Variants in VANGL2 observed in about 807,000 individuals in gnomAD.
VANGL2 encodes the protein vang-like protein 2.
VANGL2 carries 14 observed loss-of-function variants against 50.2 expected under a neutral mutation model. The ratio of observed to expected loss-of-function variants is 0.28; its 90% CI spans 0.18 to 0.44. The LOEUF is 0.44. VANGL2 is among the 20% of genes least tolerant of loss of function. The pLI is 1.00. For missense variants in VANGL2, 533 were observed against 701.5 expected (o/e 0.76, Z 2.71); for synonymous variants, 295 against 297.2 (o/e 0.99, Z 0.08).
chr1:160,423,550 C>A (rs1187548724), intron 6 of VANGL2, among the ~76,000 whole-genome samples: 1 of 152,066 alleles, frequency 6.6e-6, no homozygotes, highest in Non-Finnish European at 1.5e-5. Flanking sequence ...TCTTTTTCTT[C>A]TTGATAGAAA....
intron 3 of VANGL2, 63 bp from the exon 4 acceptor site, chr1:160,418,939 C>T: frequency 6.5e-7 from 1 of 1,545,600 alleles, no homozygotes; most frequent in Non-Finnish European, 8.8e-7. Flanking sequence ...TCTCCTGTTT[C>T]CCTCCTCTTC....
intron 3 of VANGL2, among the ~76,000 whole-genome samples, chr1:160,417,247 C>A (rs750571406): frequency 1.3e-5 from 2 of 152,192 alleles, no homozygotes; most frequent in Non-Finnish European, 2.9e-5. Context: ...GGTTCCTCAA[C>A]CTCCCTAATC....
chr1:160,424,845 G>A (rs145998447), intron 7 of VANGL2, among the ~76,000 whole-genome samples: 8 of 152,272 alleles, frequency 5.3e-5, no homozygotes, highest in Non-Finnish European at 8.8e-5. Flanking sequence ...CTGGTGCAGG[G>A]AGAAGAGCAG....
At chr1:160,405,013 G>C (rs1650602752) in intron 1 of VANGL2, among the ~76,000 whole-genome samples, 1 of 152,140 alleles carries the variant, frequency 6.6e-6, no homozygotes, top group Non-Finnish European at 1.5e-5. Flanking sequence ...GGTATTAGGG[G>C]AGAAGAGAGG....
At chr1:160,422,780 G>A (rs1039614299) in intron 6 of VANGL2, among the ~76,000 whole-genome samples, 2 of 152,094 alleles carry the variant, frequency 1.3e-5, no homozygotes, top group African/African-American at 4.8e-5. Flanking sequence ...TTTCACTCCA[G>A]CGCCACATTT....
chr1:160,405,550 G>T (rs1650625018), intron 1 of VANGL2, among the ~76,000 whole-genome samples: 1 of 152,076 alleles, frequency 6.6e-6, no homozygotes, highest in South Asian at 2.1e-4. Flanking sequence ...AGACATAACA[G>T]CTGGGAACTG....
rs529529032 is a variant in VANGL2, at chr1:160,423,916, C to G, written c.1074-136C>G. The G allele has an allele frequency of 6.6e-5, 63 of 957,650 alleles. No homozygotes were observed. In the Admixed American group the frequency reaches 9.0e-4, roughly 14 times the overall value. The allele number at this position is 957,650 out of a possible 1,614,324, so 59.3% of individuals were successfully genotyped here. A position where few individuals can be genotyped will look rare whatever the true frequency, so the allele number is the denominator to read the frequency against. On this transcript the variant is annotated intron_variant, in intron 6 of 7. Coordinates refer to ENST00000368061, the MANE Select transcript of VANGL2 (RefSeq NM_020335.3). ...CCCAGTGGCAGAAAGGCACTATTGC[C>G]TCTGGCTTTGTATTACTTTGGGTGA...
chr1:160,420,389 C>T (rs149376089), intron 4 of VANGL2, 22 bp from the exon 5 acceptor site: 21 of 1,613,868 alleles, frequency 1.3e-5, no homozygotes, highest in Middle Eastern at 1.6e-4. Flanking sequence ...TCTCCCACCC[C>T]CTCCTGCCGT....
intron 1 of VANGL2, among the ~76,000 whole-genome samples, chr1:160,411,785 G>A (rs911647912): frequency 6.6e-6 from 1 of 152,092 alleles, no homozygotes; most frequent in Non-Finnish European, 1.5e-5. Flanking sequence ...ACCCTTGTCT[G>A]GTTTGAAATT....
rs749737174 is a variant in VANGL2, at chr1:160,419,594, A to G, written c.785A>G (p.Asn262Ser). The stretch of plus-strand genomic sequence containing the variant: ...ACCGACGGCGCCAGCCGCTTCTACA[A>G]CGTTGGCCATCTCAGGTACTAGCCC... The part of the protein sequence containing the change: ...RSTDGASRFY[N>S]VGHLSIQRVA... The change falls in exon 4 of 8, where the codon AAC becomes AGC. Residue 262 changes from asparagine to serine, a missense_variant. By Grantham distance (46) the Asn-to-Ser change is conservative. Transcript: ENST00000368061. This position sits in a 1 kb window ranked among gnomAD's most constrained non-coding sequence, Gnocchi z 5.8. The G allele has an allele frequency of 2.4e-5, 39 of 1,598,468 alleles. No individual in the cohort carries two copies. The highest frequency in any genetic ancestry group is 1.3e-4 in the Admixed American group (8 of 59,922).
chr1:160,412,092 CATT>C, intron 1 of VANGL2, among the ~76,000 whole-genome samples: 1 of 152,292 alleles, frequency 6.6e-6, no homozygotes, highest in South Asian at 2.1e-4. Context: ...GAAAAGGCAT[CATT>C]GTCTTCACTA....
intron 1 of VANGL2, among the ~76,000 whole-genome samples, chr1:160,412,199 A>G (rs1410366175): frequency 6.6e-6 from 1 of 151,934 alleles, no homozygotes; most frequent in Non-Finnish European, 1.5e-5. Context: ...TAGGTTTTGA[A>G]CTCAGATCTT....
chr1:160,428,202 G>C lies in VANGL2; in HGVS notation c.*2824G>C, dbSNP rs959232522. 1 of 152,596 alleles carries C rather than the reference G, an allele frequency of 6.6e-6. No individual in the cohort carries two copies. The highest frequency in any genetic ancestry group is 6.5e-5 in the Admixed American group (1 of 15,274). 9.5% of individuals were successfully genotyped at this position (152,596 alleles called of 1,614,324 possible). ...TCTCCGGAACTTTCTCATCTGACAC[G>C]TCTTTTTCCCAGGGTTCGTACTTCT... On this transcript the variant is annotated 3_prime_UTR_variant, in exon 8 of 8. Transcript: ENST00000368061.
At chr1:160,416,027 G>C (rs768761338) in intron 2 of VANGL2, 35 bp from the exon 3 acceptor site, 16 of 1,614,192 alleles carry the variant, frequency 9.9e-6, no homozygotes, top group African/African-American at 1.3e-5. Context: ...GTCCACCACT[G>C]GACTTTCTGT....
chr1:160,414,280 C>A (rs1650981231), intron 1 of VANGL2, among the ~76,000 whole-genome samples: 1 of 152,214 alleles, frequency 6.6e-6, no homozygotes, highest in Admixed American at 6.5e-5. Context: ...GCAGTGCCAC[C>A]TTCTACCACC....
intron 1 of VANGL2, among the ~76,000 whole-genome samples, chr1:160,410,261 AC>A (rs1435158788): frequency 6.7e-6 from 1 of 149,886 alleles, no homozygotes; most frequent in African/African-American, 2.5e-5. Context: ...AAACCCAAGC[AC>A]CCTTCTCAGC....
At chr1:160,414,724 C>T (rs1221585461) in intron 1 of VANGL2, among the ~76,000 whole-genome samples, 4 of 150,498 alleles carry the variant, frequency 2.7e-5, no homozygotes, top group East Asian at 2.0e-4. Context: ...AGGAAGTAAG[C>T]GCTCGGTGGA....
At chr1:160,405,474 T>C (rs1650621510) in intron 1 of VANGL2, among the ~76,000 whole-genome samples, 1 of 152,156 alleles carries the variant, frequency 6.6e-6, no homozygotes, top group Non-Finnish European at 1.5e-5. Context: ...CCCTTTATGG[T>C]GGGGCCCTTT....
rs1651484699 is a variant in VANGL2 at position 160,427,193 on chromosome 1, A to T, written c.*1815A>T. 1 of 152,638 alleles carries T rather than the reference A, an allele frequency of 6.6e-6. No homozygotes were observed. Among genetic ancestry groups the T allele is most frequent in the African/African-American group, 2.4e-5 (1 of 41,414 alleles). 9.5% of individuals were successfully genotyped at this position (152,638 alleles called of 1,614,324 possible). Reference sequence around the variant, plus strand: ...GTCTGTCTCTTTTCTTCTCTTCAAAAACTTTGTGTCAGAGAGTCCCTTCTG... The same window carrying T: ...GTCTGTCTCTTTTCTTCTCTTCAAATACTTTGTGTCAGAGAGTCCCTTCTG... On this transcript the variant is annotated 3_prime_UTR_variant, in exon 8 of 8. Transcript: ENST00000368061.
Sources: gnomAD v4.1 joint callset for allele counts (sites outside exome capture counted in the v4.1 genomes callset) on GRCh38, gnomAD v4.1.1 for gene constraint, Gnocchi (gnomAD v3.1) non-coding constraint, MANE v1.5 for transcripts, NCBI Gene and HGNC (gene_info 2026-07-23, HGNC 2026-07-21) for gene names.